COMMD10: variants seen among roughly 807,000 people sequenced by gnomAD.
COMMD10 encodes COMM domain-containing protein 10.
A neutral mutation model predicts 28.9 loss-of-function variants in COMMD10; 33 were observed. The observed-to-expected ratio is 1.14, with a 90% CI of 0.87 to 1.53. The LOEUF (loss-of-function observed/expected upper bound fraction) is 1.53, where lower values mean the gene tolerates loss of function less well. Ranked by LOEUF, COMMD10 falls within the 40% of genes most tolerant of loss-of-function variation. The pLI is 0.00. For missense variants in COMMD10, 310 were observed against 233.4 expected (o/e 1.33, Z -2.14); for synonymous variants, 110 against 81.7 (o/e 1.35, Z -1.87).
chr5:116,218,614 G>A (rs1377780992), intron 5 of COMMD10, among the ~76,000 whole-genome samples: 5 of 152,220 alleles, frequency 3.3e-5, no homozygotes, highest in East Asian at 1.9e-4. Context: ...ATGGGGTAGT[G>A]GTAAGAGCTT....
intron 5 of COMMD10, among the ~76,000 whole-genome samples, chr5:116,202,968 A>G (rs1354020050): frequency 2.6e-5 from 4 of 151,962 alleles, no homozygotes; most frequent in Admixed American, 2.0e-4. Flanking sequence ...GCCCATGCCT[A>G]TGTCCTGAAT....
chr5:116,273,855 A>C (rs10071906), intron 5 of COMMD10, among the ~76,000 whole-genome samples: 107,023 of 151,448 alleles, frequency 0.71, 41,027 homozygotes, highest in South Asian at 0.85. Context: ...TCATTCAAAA[A>C]AGGCATTTAT....
intron 4 of COMMD10, among the ~76,000 whole-genome samples, chr5:116,116,482 A>G (rs983459599): frequency 6.6e-6 from 1 of 152,196 alleles, no homozygotes; most frequent in Admixed American, 6.5e-5. Context: ...AATGCTTCTG[A>G]ACATTATTGT....
intron 5 of COMMD10, among the ~76,000 whole-genome samples, chr5:116,220,865 A>T: frequency 6.6e-6 from 1 of 152,116 alleles, no homozygotes; most frequent in East Asian, 1.9e-4. Flanking sequence ...TTATAAAATT[A>T]ATCAGGGAAG....
chr5:116,204,802 C>T (rs1361433079), intron 5 of COMMD10, among the ~76,000 whole-genome samples: 5 of 152,046 alleles, frequency 3.3e-5, no homozygotes, highest in Admixed American at 1.3e-4. Flanking sequence ...CTGTGGAGGT[C>T]GTGGTATACG....
intron 5 of COMMD10, among the ~76,000 whole-genome samples, chr5:116,192,649 T>G (rs956526549): frequency 1.3e-5 from 2 of 152,116 alleles, no homozygotes; most frequent in East Asian, 3.8e-4. Context: ...GAACAAAGTT[T>G]CCAAGAAGTC....
At chr5:116,161,573 TTTATATA>T (rs1473404805) in intron 5 of COMMD10, among the ~76,000 whole-genome samples, 28 of 152,220 alleles carry the variant, frequency 1.8e-4, no homozygotes, top group African/African-American at 6.7e-4. Context: ...CAACACATAT[TTTATATA>T]TTATATGCAT....
chr5:116,129,302 A>T (rs1425171936), intron 4 of COMMD10, among the ~76,000 whole-genome samples: 1 of 148,554 alleles, frequency 6.7e-6, no homozygotes, highest in Non-Finnish European at 1.5e-5. Context: ...CCTGTCTCAC[A>T]GGGTTGTTAG....
chr5:116,177,525 A>AC (rs11291496), intron 5 of COMMD10, among the ~76,000 whole-genome samples: 12,625 of 145,246 alleles, frequency 0.087, 692 homozygotes, highest in Non-Finnish European at 0.13. Context: ...TGTCTAAGTG[A>AC]CCCCCCCCAC....
At chr5:116,203,441 C>G (rs11747797) in intron 5 of COMMD10, among the ~76,000 whole-genome samples, 89,463 of 151,130 alleles carry the variant, frequency 0.59, 30,579 homozygotes, top group South Asian at 0.77. Flanking sequence ...ATAATTGTCA[C>G]ATTCACCAAA....
intron 5 of COMMD10, among the ~76,000 whole-genome samples, chr5:116,148,675 ATG>A (rs1752418487): frequency 6.6e-6 from 1 of 151,734 alleles, no homozygotes; most frequent in African/African-American, 2.4e-5. Flanking sequence ...GATTCTTAAT[ATG>A]ACACCAAAAG....
intron 5 of COMMD10, among the ~76,000 whole-genome samples, chr5:116,230,374 C>T (rs1438522094): frequency 6.6e-6 from 1 of 152,010 alleles, no homozygotes; most frequent in Non-Finnish European, 1.5e-5. Flanking sequence ...AGCTCTTGAA[C>T]ATCTCATGAC....
chr5:116,136,383 A>G (rs1487367912), intron 5 of COMMD10, among the ~76,000 whole-genome samples: 1 of 152,202 alleles, frequency 6.6e-6, no homozygotes, highest in East Asian at 1.9e-4. Context: ...AAGTAGCTAT[A>G]TACTTCCTTT....
At chr5:116,269,326 T>TG (rs1561401474) in intron 5 of COMMD10, among the ~76,000 whole-genome samples, 1 of 151,900 alleles carries the variant, frequency 6.6e-6, no homozygotes, top group Non-Finnish European at 1.5e-5. Flanking sequence ...CTAATCCACT[T>TG]GGAGAAATTT....
chr5:116,113,658 C>T (rs1751135026), intron 4 of COMMD10, among the ~76,000 whole-genome samples: 1 of 151,866 alleles, frequency 6.6e-6, no homozygotes, highest in African/African-American at 2.4e-5. Flanking sequence ...ACGTCTATCT[C>T]CTTGGTAAAT....
At chr5:116,243,788 G>A (rs1473421941) in intron 5 of COMMD10, among the ~76,000 whole-genome samples, 6 of 152,104 alleles carry the variant, frequency 3.9e-5, no homozygotes, top group Non-Finnish European at 8.8e-5. Flanking sequence ...CTAAAAGCTG[G>A]CAAAACCATC....
At chr5:116,190,803 A>T (rs554495506) in intron 5 of COMMD10, among the ~76,000 whole-genome samples, 5 of 152,360 alleles carry the variant, frequency 3.3e-5, no homozygotes, top group Non-Finnish European at 5.9e-5. Context: ...AAGTTCTATA[A>T]AACTTTGAGA....
intron 5 of COMMD10, among the ~76,000 whole-genome samples, chr5:116,215,695 A>AATATATAT (rs58135204): frequency 1.8e-3 from 242 of 133,780 alleles, no homozygotes; most frequent in Non-Finnish European, 2.5e-3. Context: ...TAAAAAAAGA[A>AATATATAT]ATATATATAT....
chr5:116,260,360 T>A (rs1335750027), intron 5 of COMMD10, among the ~76,000 whole-genome samples: 1 of 151,882 alleles, frequency 6.6e-6, no homozygotes, highest in African/African-American at 2.4e-5. Flanking sequence ...ATTTCTTGGG[T>A]AATGTTTATT....
Sources: gnomAD v4.1 joint callset for allele counts (sites outside exome capture counted in the v4.1 genomes callset) on GRCh38, gnomAD v4.1.1 for gene constraint, MANE v1.5 for transcripts, NCBI Gene and HGNC (gene_info 2026-07-23, HGNC 2026-07-21) for gene names.